Variants in ANKMY1 observed in about 807,000 individuals in gnomAD.
The protein encoded by ANKMY1 is ankyrin repeat and MYND domain-containing protein 1.
A neutral mutation model predicts 102.0 loss-of-function variants in ANKMY1; 98 were observed. The ratio of observed to expected loss-of-function variants is 0.96; its 90% CI spans 0.82 to 1.14. The LOEUF (loss-of-function observed/expected upper bound fraction) is 1.14. ANKMY1 is among the 50% of genes most tolerant of loss of function. The probability of loss-of-function intolerance (pLI) is 0.00; values close to 1 mark genes in which losing one functional copy is unlikely to be tolerated. For synonymous variants in ANKMY1, 582 were observed against 559.9 expected (o/e 1.04, Z -0.56); for missense variants, 1,330 against 1,347.6 (o/e 0.99, Z 0.20).
At chr2:240,559,747 T>C (rs1233512077), upstream of ANKMY1, among the ~76,000 whole-genome samples, 1 of 152,214 alleles carries the variant, frequency 6.6e-6, no homozygotes. Context: ...ATTTGAGTCT[T>C]TAGCTCAAGA....
intron 5 of ANKMY1, chr2:240,527,083 G>T: frequency 1.4e-6 from 1 of 690,590 alleles, no homozygotes; most frequent in Non-Finnish European, 1.8e-6. Context: ...TGGATGAATG[G>T]ATGGGTGGGT....
chr2:240,508,715 G>A (rs1357890750), intron 12 of ANKMY1, among the ~76,000 whole-genome samples: 1 of 152,210 alleles, frequency 6.6e-6, no homozygotes, highest in Non-Finnish European at 1.5e-5. Flanking sequence ...GTGCCTGCCA[G>A]GTACGTAGCA....
chr2:240,524,072 T>G lies in ANKMY1; in HGVS notation c.1645A>C (p.Ser549Arg). 6.2e-7 allele frequency: 1 copy of G among 1,614,032 alleles called. No individual in the cohort carries two copies. Among genetic ancestry groups the G allele is most frequent in the Non-Finnish European group, 8.5e-7 (1 of 1,180,034 alleles). The change falls in exon 8 of 18, where the codon AGT becomes CGT. Residue 549 changes from serine to arginine, a missense_variant. By Grantham distance (110) the Ser-to-Arg change is moderately radical (BLOSUM62 -1). Coordinates refer to ENST00000401804, the MANE Select transcript of ANKMY1 (RefSeq NM_001282771.3). The part of the protein sequence containing the change: ...EDVLGNTDRG[S>R]LCSAETKFES... ...AATTTCGTCTCAGCACTGCACAGAC[T>G]GCCCCGGTCTGTGTTTCCCAACACG...
chr2:240,502,653 C>T (rs2078393119), intron 13 of ANKMY1, among the ~76,000 whole-genome samples: 1 of 151,998 alleles, frequency 6.6e-6, no homozygotes, highest in Non-Finnish European at 1.5e-5. Context: ...CCTGGCTGCC[C>T]AGAGTGACCA....
intron 15 of ANKMY1, among the ~76,000 whole-genome samples, chr2:240,493,262 G>C (rs959417276): frequency 4.6e-5 from 7 of 152,146 alleles, no homozygotes; most frequent in Non-Finnish European, 8.8e-5. Flanking sequence ...AGGAGGCAGA[G>C]GTTACAGTAA....
intron 15 of ANKMY1, among the ~76,000 whole-genome samples, chr2:240,498,059 A>G (rs2077500003): frequency 1.4e-5 from 2 of 142,208 alleles, no homozygotes; most frequent in South Asian, 2.6e-4. Context: ...ACACAAATGG[A>G]GGCCTCACCT....
At position 240,509,246 on chromosome 2, in the gene ANKMY1, T is replaced by TAGAA. The variant is rs953250491; in HGVS notation, c.2394+101_2394+102insTTCT. 1.5e-4 allele frequency: 145 copies of TAGAA among 997,576 alleles called. 1 individual carries two copies. The African/African-American group carries it at 2.2e-3, about 15-fold the overall frequency. 61.8% of individuals were successfully genotyped at this position (997,576 alleles called of 1,614,324 possible). A position where few individuals can be genotyped will look rare whatever the true frequency, so the allele number is the denominator to read the frequency against. ...ATGAATGGATGGATGGATGGATGGATAAATGGCCAACAACTTCAAATCCCA... is the reference window on the plus strand; with the variant it reads ...ATGAATGGATGGATGGATGGATGGATAGAAAAATGGCCAACAACTTCAAATCCCA... On this transcript the variant is annotated intron_variant, in intron 12 of 17. Transcript: ENST00000401804.
At chr2:240,509,284 T>G in intron 12 of ANKMY1, 64 bp downstream of exon 12, 2 of 1,314,474 alleles carry the variant, frequency 1.5e-6, no homozygotes, top group African/African-American at 1.5e-5. Context: ...GACGGACTGG[T>G]GGGGTGGGCA....
At chr2:240,540,219 G>T (rs1458993385) in intron 4 of ANKMY1, among the ~76,000 whole-genome samples, 1 of 152,158 alleles carries the variant, frequency 6.6e-6, no homozygotes, top group Non-Finnish European at 1.5e-5. Context: ...TAACCAATGT[G>T]TGTTTTCCAT....
At chr2:240,535,656 G>A (rs540889210) in intron 4 of ANKMY1, among the ~76,000 whole-genome samples, 2 of 152,314 alleles carry the variant, frequency 1.3e-5, no homozygotes, top group Admixed American at 1.3e-4. Context: ...TTGAAAGTAA[G>A]TCATGATATA....
intron 4 of ANKMY1, among the ~76,000 whole-genome samples, chr2:240,530,561 G>A (rs1441809563): frequency 6.6e-6 from 1 of 152,154 alleles, no homozygotes; most frequent in Non-Finnish European, 1.5e-5. Context: ...CATGCTTCCT[G>A]TACAACCTGC....
chr2:240,507,118 G>A (rs1199468899), intron 13 of ANKMY1, among the ~76,000 whole-genome samples: 1 of 151,718 alleles, frequency 6.6e-6, no homozygotes, highest in African/African-American at 2.4e-5. Flanking sequence ...TCTGCTGAGT[G>A]GATTTGCCAC....
chr2:240,510,154 G>A (rs1452895673), intron 11 of ANKMY1, among the ~76,000 whole-genome samples: 1 of 23,880 alleles, frequency 4.2e-5, no homozygotes, highest in Non-Finnish European at 7.9e-5. Context: ...TCCCCAATCC[G>A]TGCCCTCCCT....
chr2:240,549,052 G>A (rs1457124301), intron 4 of ANKMY1, among the ~76,000 whole-genome samples: 4 of 151,166 alleles, frequency 2.6e-5, no homozygotes, highest in East Asian at 1.9e-4. Context: ...AGCCCGCATC[G>A]CCAAGTCAAT....
Position 240,499,238 on chromosome 2 carries a change from G to C in ANKMY1, c.2806+720C>G, listed in dbSNP as rs2077729329. Among the ~76,000 whole-genome samples the C allele has an allele frequency of 6.6e-6, 1 of 151,924 alleles. No homozygotes were observed. The highest frequency in any genetic ancestry group is 6.5e-5 in the Admixed American group (1 of 15,270). Reference sequence around the variant, plus strand: ...TAACACGTGACAGGTTTTTATGTGAGGAGAGGATGGCTGTGGGTATCAGTG... The same window carrying C: ...TAACACGTGACAGGTTTTTATGTGACGAGAGGATGGCTGTGGGTATCAGTG... On this transcript the variant is annotated intron_variant, in intron 15 of 17. Coordinates refer to ENST00000401804, the MANE Select transcript of ANKMY1 (RefSeq NM_001282771.3). This position sits in a 1 kb window ranked among gnomAD's most constrained non-coding sequence, Gnocchi z 4.2.
At chr2:240,472,267 G>A in the ANKMY1 span, among the ~76,000 whole-genome samples, 8 of 152,036 alleles carry the variant, frequency 5.3e-5, no homozygotes, top group East Asian at 7.8e-4. Context: ...ATCTACGGCC[G>A]CACGCGGGGA....
At chr2:240,539,883 G>A (rs2088183317) in intron 4 of ANKMY1, among the ~76,000 whole-genome samples, 1 of 152,166 alleles carries the variant, frequency 6.6e-6, no homozygotes, top group African/African-American at 2.4e-5. Flanking sequence ...TAGCAGGAAG[G>A]GAAGTCAGAC....
chr2:240,472,410 C>T, the ANKMY1 span, among the ~76,000 whole-genome samples: 1 of 152,164 alleles, frequency 6.6e-6, no homozygotes, highest in Non-Finnish European at 1.5e-5. Context: ...ATCTGTGCCC[C>T]CAAAGGCAGG....
rs367983509 is a variant in ANKMY1 at position 240,512,240 on chromosome 2, G to A, written c.2146-239C>T. On this transcript the variant is annotated intron_variant, in intron 10 of 17. Coordinates refer to ENST00000401804, the MANE Select transcript of ANKMY1 (RefSeq NM_001282771.3). ...TGCCCTCCCCTCCCACGTCCCCCACGCAGTGGGTGAGCTGCGCACACCATG... is the reference window on the plus strand; with the variant it reads ...TGCCCTCCCCTCCCACGTCCCCCACACAGTGGGTGAGCTGCGCACACCATG... Among the ~76,000 whole-genome samples the A allele has an allele frequency of 4.6e-5, 7 of 152,328 alleles. No homozygotes were observed. The East Asian group carries it at 5.8e-4, about 13-fold the overall frequency.
Sources: allele counts gnomAD v4.1 joint callset (sites outside exome capture counted in the v4.1 genomes callset), GRCh38; gene constraint gnomAD v4.1.1; non-coding constraint Gnocchi (gnomAD v3.1); transcripts MANE v1.5; gene names NCBI Gene and HGNC (gene_info 2026-07-23, HGNC 2026-07-21).